Variants in LRP1B observed in about 807,000 individuals in gnomAD.
The protein encoded by LRP1B is low-density lipoprotein receptor-related protein 1B.
Under a neutral mutation model 556.6 loss-of-function variants are expected in LRP1B, and 217 were observed. The ratio of observed to expected loss-of-function variants is 0.39; its 90% CI spans 0.35 to 0.44. The LOEUF is 0.44. LRP1B is among the 20% of genes least tolerant of loss of function. The probability of loss-of-function intolerance (pLI) is 1.00; values close to 1 mark genes in which losing one functional copy is unlikely to be tolerated. For synonymous variants in LRP1B, 2,047 were observed against 1,865.8 expected (o/e 1.10, Z -2.50); for missense variants, 5,053 against 5,620.8 (o/e 0.90, Z 3.23).
chr2:141,121,188 T>C (rs181645558), intron 7 of LRP1B, among the ~76,000 whole-genome samples: 2 of 152,168 alleles, frequency 1.3e-5, no homozygotes, highest in East Asian at 1.9e-4. Flanking sequence ...CATGGAGTTA[T>C]TGTCAGATTT....
Position 140,701,720 on chromosome 2 carries a change from C to T in LRP1B, c.6427+1G>A. On this transcript the variant is annotated splice_donor_variant, in intron 40 of 90. Coordinates refer to ENST00000389484, the MANE Select transcript of LRP1B (RefSeq NM_018557.3). LOFTEE classifies it high-confidence loss of function. ...TTATGTATTCTTTCAAGAGTGCTGA[C>T]CTTTCTCTCTTACTCGGTTAAATAT... The T allele has an allele frequency of 6.2e-7, 1 of 1,611,558 alleles. No individual in the cohort carries two copies. Among genetic ancestry groups the T allele is most frequent in the Non-Finnish European group, 8.5e-7 (1 of 1,178,556 alleles).
chr2:141,150,697 A>G (rs574528727), intron 7 of LRP1B, among the ~76,000 whole-genome samples: 17 of 152,308 alleles, frequency 1.1e-4, no homozygotes, highest in African/African-American at 4.1e-4. Context: ...TGTGATTGCC[A>G]AAAGCCTTAA....
In LRP1B at chr2:141,342,254, A is replaced by T. The variant is rs549756784; in HGVS notation, c.344-87613T>A. Among the ~76,000 whole-genome samples the T allele has an allele frequency of 3.8e-3, 506 of 132,788 alleles. 1 individual carries two copies. Among genetic ancestry groups the T allele is most frequent in the African/African-American group, 0.013 (427 of 33,934 alleles). 87.1% of individuals were successfully genotyped at this position (132,788 alleles called of 152,430 possible). ...GTGAGACTCCATCTCAAAAAAAAAA[A>T]AAATAAAATAAATAAAAATAAAATA... On this transcript the variant is annotated intron_variant, in intron 3 of 90. Transcript: ENST00000389484.
At chr2:140,986,329 C>T (rs1573953678) in intron 17 of LRP1B, among the ~76,000 whole-genome samples, 1 of 152,160 alleles carries the variant, frequency 6.6e-6, no homozygotes, top group East Asian at 1.9e-4. Context: ...TTTTTATTCA[C>T]ATCTCTCTCT....
chr2:140,610,039 C>T (rs1262958922), intron 41 of LRP1B, among the ~76,000 whole-genome samples: 1 of 145,030 alleles, frequency 6.9e-6, no homozygotes, highest in African/African-American at 2.5e-5. Context: ...TCTATAAAAA[C>T]TCAGGTTTGT....
intron 11 of LRP1B, among the ~76,000 whole-genome samples, chr2:141,045,719 C>T (rs1698849547): frequency 6.6e-6 from 1 of 152,082 alleles, no homozygotes; most frequent in African/African-American, 2.4e-5. Flanking sequence ...CTGAAGCATT[C>T]CTATCACCTA....
intron 29 of LRP1B, among the ~76,000 whole-genome samples, chr2:140,847,343 C>T (rs888552492): frequency 2.0e-5 from 3 of 151,742 alleles, no homozygotes; most frequent in African/African-American, 7.2e-5. Context: ...ACATTAAAAA[C>T]TTATCTTATA....
intron 41 of LRP1B, among the ~76,000 whole-genome samples, chr2:140,630,427 A>G (rs2105275132): frequency 6.6e-6 from 1 of 152,348 alleles, no homozygotes; most frequent in South Asian, 2.1e-4. Context: ...CATCATCCTG[A>G]AATCTGGAGA....
chr2:140,250,255 A>T (rs1681350468), intron 86 of LRP1B, among the ~76,000 whole-genome samples: 1 of 151,808 alleles, frequency 6.6e-6, no homozygotes, highest in South Asian at 2.1e-4. Flanking sequence ...AATCAGCTTT[A>T]TCTTATGTGC....
chr2:142,044,190 A>G (rs1559040137), intron 1 of LRP1B, among the ~76,000 whole-genome samples: 1 of 151,750 alleles, frequency 6.6e-6, no homozygotes, highest in Admixed American at 6.6e-5. Context: ...GTACTACAAG[A>G]CACAACAACC....
chr2:141,795,899 T>TATATATATATAA lies in LRP1B; in HGVS notation c.205+14379_205+14380insTTATATATATAT, dbSNP rs1247641787. Among the ~76,000 whole-genome samples, 102 of 76,996 alleles carry TATATATATATAA rather than the reference T, an allele frequency of 1.3e-3. 1 individual carries two copies. The highest frequency in any genetic ancestry group is 6.5e-3 in the East Asian group (11 of 1,688). 50.5% of individuals were successfully genotyped at this position (76,996 alleles called of 152,430 possible). A position where few individuals can be genotyped will look rare whatever the true frequency, so the allele number is the denominator to read the frequency against. On this transcript the variant is annotated intron_variant, in intron 2 of 90. Coordinates refer to ENST00000389484, the MANE Select transcript of LRP1B (RefSeq NM_018557.3). ...ATATATATATATATATATATATATA[T>TATATATATATAA]AATCTTTAAGCAAAATTTAACATGA...
Position 140,778,976 on chromosome 2 carries a change from G to C in LRP1B, c.5360-2738C>G, listed in dbSNP as rs544532317. Among the ~76,000 whole-genome samples, 37 of 151,650 alleles carry C rather than the reference G, an allele frequency of 2.4e-4. 1 individual carries two copies. The highest frequency in any genetic ancestry group is 8.9e-4 in the African/African-American group (37 of 41,464). ...TTAATGTTTATTTTGTAATGTTTAA[G>C]TGAATTTGTAATAAATATTTTTAAA... On this transcript the variant is annotated intron_variant, in intron 32 of 90. Coordinates refer to ENST00000389484, the MANE Select transcript of LRP1B (RefSeq NM_018557.3).
intron 3 of LRP1B, among the ~76,000 whole-genome samples, chr2:141,347,367 A>C (rs574715533): frequency 3.7e-4 from 57 of 152,170 alleles, no homozygotes; most frequent in Non-Finnish European, 7.1e-4. Context: ...TCTTTCAAAA[A>C]CAGAGCGGGT....
intron 35 of LRP1B, among the ~76,000 whole-genome samples, chr2:140,758,552 C>T (rs959639405): frequency 1.3e-5 from 2 of 151,746 alleles, no homozygotes; most frequent in African/African-American, 4.8e-5. Flanking sequence ...ATTATTCTAC[C>T]AACTAATTTT....
At chr2:141,745,968 A>G (rs1316157829) in intron 2 of LRP1B, among the ~76,000 whole-genome samples, 1 of 152,016 alleles carries the variant, frequency 6.6e-6, no homozygotes, top group Admixed American at 6.6e-5. Flanking sequence ...GGTGTTTCTA[A>G]AAATGGTTTC....
intron 3 of LRP1B, among the ~76,000 whole-genome samples, chr2:141,355,030 A>G (rs892896530): frequency 6.6e-6 from 1 of 152,106 alleles, no homozygotes; most frequent in Admixed American, 6.6e-5. Context: ...ACTTTTCACC[A>G]GTCCCATTGG....
chr2:141,493,662 T>C (rs1181732754), intron 2 of LRP1B, among the ~76,000 whole-genome samples: 1 of 152,142 alleles, frequency 6.6e-6, no homozygotes, highest in African/African-American at 2.4e-5. Flanking sequence ...TCTGCCCACC[T>C]GTGTCTGAGC....
At chr2:141,475,173 G>C (rs996376575) in intron 3 of LRP1B, among the ~76,000 whole-genome samples, 1 of 152,074 alleles carries the variant, frequency 6.6e-6, no homozygotes, top group Non-Finnish European at 1.5e-5. Flanking sequence ...AGGAGTTTGT[G>C]ACCAGCTTGG....
chr2:140,967,346 T>TC (rs1178057909), intron 18 of LRP1B, among the ~76,000 whole-genome samples: 2 of 150,428 alleles, frequency 1.3e-5, no homozygotes, highest in Admixed American at 1.3e-4. Context: ...TCTCTGTCTG[T>TC]TATTGGTGTA....
Sources: gnomAD v4.1 joint callset for allele counts (sites outside exome capture counted in the v4.1 genomes callset) on GRCh38, gnomAD v4.1.1 for gene constraint, MANE v1.5 for transcripts, NCBI Gene and HGNC (gene_info 2026-07-23, HGNC 2026-07-21) for gene names.